Variants in FES observed in about 807,000 individuals in gnomAD.
FES encodes the protein tyrosine-protein kinase Fes/Fps.
A neutral mutation model predicts 109.6 loss-of-function variants in FES; 83 were observed. The ratio of observed to expected loss-of-function variants is 0.76; its 90% CI spans 0.63 to 0.91. The LOEUF is 0.91. Among genes scored for constraint, FES ranks in the 40% least tolerant of loss-of-function variants. FES has a pLI of 0.00. For synonymous variants in FES, 458 were observed against 442.1 expected, an observed-to-expected ratio of 1.04 and a Z score of -0.45; for missense variants, 943 against 1,070.9, an observed-to-expected ratio of 0.88 and a Z score of 1.67.
intron 11 of FES, 69 bp downstream of exon 11, chr15:90,891,260 T>G: frequency 6.6e-7 from 1 of 1,508,142 alleles, no homozygotes; most frequent in Non-Finnish European, 8.9e-7. Context: ...CCAAGGGAAA[T>G]GGCCTTTCAG....
In FES at chr15:90,893,394, G is replaced by A; in HGVS notation, c.2025G>A (p.Glu675=). 1 of 1,556,316 alleles carries A rather than the reference G, an allele frequency of 6.4e-7. No homozygotes were observed. The highest frequency in any genetic ancestry group is 8.7e-7 in the Non-Finnish European group (1 of 1,153,458). Residue 675 remains glutamate (E), a synonymous_variant, in exon 16 of 19, where the codon GAG becomes GAA. Transcript: ENST00000328850. ...CAGCTGCTGGCATGGAGTACCTGGA[G>A]AGCAAGTGCTGCATCCACCGGTGAG... is the stretch of plus-strand genomic sequence containing the variant. ...GDAAAGMEYL[E]SKCCIHRDLA... is the part of the protein sequence containing the mutation.
intron 1 of FES, 100 bp downstream of exon 1, chr15:90,884,644 G>T: frequency 5.8e-6 from 1 of 172,004 alleles, no homozygotes. Context: ...ACCCAGGTGG[G>T]GGTAGGGGCC....
rs773581654 is a variant in FES, at chr15:90,893,808, T to G, written c.2200T>G (p.Tyr734Asp). Residue 734 changes from tyrosine (Y) to aspartate (D), a missense_variant, in exon 17 of 19, where the codon TAC becomes GAC. Coordinates refer to ENST00000328850, the MANE Select transcript of FES (RefSeq NM_002005.4). ...GTGGACCGCACCTGAGGCCCTTAAC[T>G]ACGGTACCTAGTCCCTGTCTACCCT... is the stretch of plus-strand genomic sequence containing the variant. ...VKWTAPEALN[Y>D]GRYSSESDVW... The G allele has an allele frequency of 6.3e-7, 1 of 1,592,544 alleles. No homozygotes were observed. The highest frequency in any genetic ancestry group is 8.6e-7 in the Non-Finnish European group (1 of 1,168,012).
chr15:90,895,524 A>G lies in FES; in HGVS notation c.2435A>G (p.Gln812Arg), dbSNP rs2033631427. ...CGGCCCAGCTTCAGCACCATCTACCAGGAGCTGCAGAGCATCCGAAAGCGG... is the reference window on the plus strand; with the variant it reads ...CGGCCCAGCTTCAGCACCATCTACCGGGAGCTGCAGAGCATCCGAAAGCGG... Reference protein sequence around the residue: ...GQRPSFSTIYQELQSIRKRHR With the variant: ...GQRPSFSTIYRELQSIRKRHR Residue 812 changes from glutamine to arginine, a missense_variant, in exon 19 of 19, where the codon CAG becomes CGG. Physicochemically the swap from Gln to Arg is conservative, Grantham distance 43 (BLOSUM62 1). Transcript: ENST00000328850. The G allele has an allele frequency of 6.3e-7, 1 of 1,596,558 alleles. No individual in the cohort carries two copies. Among genetic ancestry groups the G allele is most frequent in the African/African-American group, 1.3e-5 (1 of 74,426 alleles).
intron 3 of FES, among the ~76,000 whole-genome samples, chr15:90,886,388 C>T (rs1166896134): frequency 6.6e-6 from 1 of 152,190 alleles, no homozygotes; most frequent in Non-Finnish European, 1.5e-5. Context: ...ACTATCTGGC[C>T]CTTTAAGAAA....
rs1894401 is a variant in FES at position 90,885,812 on chromosome 15, G to A, written c.387+227G>A. Among the ~76,000 whole-genome samples, 81,248 of 151,954 alleles carry A rather than the reference G, an allele frequency of 0.53. 22,363 individuals are homozygous for A. Among genetic ancestry groups the A allele is most frequent in the East Asian group, 0.81 (4,197 of 5,166 alleles). On this transcript the variant is annotated intron_variant, in intron 3 of 18. Coordinates refer to ENST00000328850, the MANE Select transcript of FES (RefSeq NM_002005.4). ...TCTGTGCCTGGGCAAAGTGCTGGGA[G>A]TGTAAGGATGAGTGACCGGTCACGT...
At chr15:90,892,347 G>A (rs968468720) in intron 13 of FES, 3 of 597,680 alleles carry the variant, frequency 5.0e-6, no homozygotes, top group South Asian at 2.0e-5. Flanking sequence ...CACCCAGGCC[G>A]CCCCCATCGA....
At chr15:90,890,346 T>C in intron 9 of FES, 55 bp from the exon 10 acceptor site, 1 of 1,595,606 alleles carries the variant, frequency 6.3e-7, no homozygotes, top group South Asian at 1.1e-5. Context: ...CTCCTCATTT[T>C]CGCCCTCCCC....
chr15:90,892,691 C>A lies in FES; in HGVS notation c.1708-16C>A. The A allele has an allele frequency of 6.3e-7, 1 of 1,590,700 alleles. No homozygotes were observed. Among genetic ancestry groups the A allele is most frequent in the South Asian group, 1.1e-5 (1 of 88,752 alleles). ...GGGACTGGGAAGGCCGTGGTAGGAGCCCAAGACCGTTTCAGGGGAACTTTG... is the reference window on the plus strand; with the variant it reads ...GGGACTGGGAAGGCCGTGGTAGGAGACCAAGACCGTTTCAGGGGAACTTTG... On this transcript the variant is annotated splice_polypyrimidine_tract_variant and intron_variant, in intron 13 of 18. Transcript: ENST00000328850.
In FES at chr15:90,891,587, A is replaced by G. The variant is rs576252154; in HGVS notation, c.1564A>G (p.Ser522Gly). The change falls in exon 12 of 19, where the codon AGC (serine) becomes GGC (glycine). Residue 522 changes from serine (S) to glycine (G), a missense_variant. Transcript: ENST00000328850. ...LYRLEGEGFP[S>G]IPLLIDHLLS... ...CCGACTGGAAGGGGAAGGCTTTCCT[A>G]GCATTCCTTTGCTCATCGACCACCT... 3 of 1,613,774 alleles carry G rather than the reference A, an allele frequency of 1.9e-6. No homozygotes were observed. The highest frequency in any genetic ancestry group is 2.2e-5 in the East Asian group (1 of 44,850).
chr15:90,886,825 G>A (rs189600749), intron 3 of FES, 136 bp from the exon 4 acceptor site: 79 of 731,602 alleles, frequency 1.1e-4, no homozygotes, highest in African/African-American at 3.5e-4. Flanking sequence ...TGACTCTCAC[G>A]TCAGCAGCCA....
rs377358362 is a variant in FES at position 90,892,400 on chromosome 15, A to G, written c.1707+289A>G. 6.2e-5 allele frequency: 36 copies of G among 584,012 alleles called. No homozygotes were observed. The South Asian group carries it at 6.9e-4, about 11-fold the overall frequency. 36.2% of individuals were successfully genotyped at this position (584,012 alleles called of 1,614,324 possible). A position where few individuals can be genotyped will look rare whatever the true frequency, so the allele number is the denominator to read the frequency against. On this transcript the variant is annotated intron_variant, in intron 13 of 18. Transcript: ENST00000328850. Reference sequence around the variant, plus strand: ...GGGAGACACCCTGTTACTGTAAGCCATAAGATACCTGTTTAGGGAAGAAGT... The same window carrying G: ...GGGAGACACCCTGTTACTGTAAGCCGTAAGATACCTGTTTAGGGAAGAAGT...
At position 90,890,483 on chromosome 15, in the gene FES, C is replaced by T. The variant is rs201659079; in HGVS notation, c.1319C>T (p.Ser440Leu). 19 of 1,612,380 alleles carry T rather than the reference C, an allele frequency of 1.2e-5. No homozygotes were observed. The highest frequency in any genetic ancestry group is 2.7e-5 in the African/African-American group (2 of 75,020). Reference protein sequence around the residue: ...HISGIFRPKFSLPPPLQLIPE... With the variant: ...HISGIFRPKFLLPPPLQLIPE... ...TCAGGAATCTTCCGCCCCAAGTTCT[C>T]GGTGAGTGGCGCCCAGCCTGGGCCC... The change falls in exon 10 of 19, where the codon TCG becomes TTG. Residue 440 changes from serine (S) to leucine (L), a missense_variant and splice_region_variant. By Grantham distance (145) the Ser-to-Leu change is moderately radical. Coordinates refer to ENST00000328850, the MANE Select transcript of FES (RefSeq NM_002005.4).
chr15:90,885,607 T>C, intron 3 of FES, 22 bp downstream of exon 3: 1 of 1,601,302 alleles, frequency 6.2e-7, no homozygotes, highest in East Asian at 2.2e-5. Flanking sequence ...GCACTGGGGC[T>C]TCGGTCATTT....
In FES at chr15:90,887,028, C is replaced by A. The variant is rs762373715; in HGVS notation, c.455C>A (p.Ala152Asp). ...GCTCTGGCACGGGACAGTGCCCAAGCCAAGCGCAAGTACCAGGAGGCCAGC... is the reference window on the plus strand; with the variant it reads ...GCTCTGGCACGGGACAGTGCCCAAGACAAGCGCAAGTACCAGGAGGCCAGC... ...YRALARDSAQ[A>D]KRKYQEASKD... The change falls in exon 4 of 19, where the codon GCC (alanine) becomes GAC (aspartate). Residue 152 changes from alanine (A) to aspartate (D), a missense_variant. Ala to Asp is a moderately radical substitution (Grantham distance 126). Coordinates refer to ENST00000328850, the MANE Select transcript of FES (RefSeq NM_002005.4). 6.2e-7 allele frequency: 1 copy of A among 1,614,050 alleles called. No homozygotes were observed. Among genetic ancestry groups the A allele is most frequent in the East Asian group, 2.2e-5 (1 of 44,904 alleles).
At chr15:90,884,809 T>G in intron 1 of FES, 1 of 507,894 alleles carries the variant, frequency 2.0e-6, no homozygotes, top group Non-Finnish European at 3.5e-6. Context: ...CCAGGTTGGC[T>G]CCTGTTCCCG....
Position 90,885,200 on chromosome 15 carries a change from C to T in FES, c.155C>T (p.Ser52Phe). Residue 52 changes from serine (S) to phenylalanine (F), a missense_variant, in exon 2 of 19, where the codon TCC becomes TTC. Ser to Phe is a radical substitution (Grantham distance 155). Transcript: ENST00000328850. ...TATGCAGGACTGCTTCACCACATGT[C>T]CCTGCAGGACAGTGGGGGCCAGAGC... ...REYAGLLHHM[S>F]LQDSGGQSRA... 4 of 1,613,764 alleles carry T rather than the reference C, an allele frequency of 2.5e-6. No individual in the cohort carries two copies. Among genetic ancestry groups the T allele is most frequent in the Admixed American group, 1.7e-5 (1 of 60,032 alleles).
chr15:90,890,770 G>A (rs1027434620), intron 10 of FES, among the ~76,000 whole-genome samples: 5 of 152,078 alleles, frequency 3.3e-5, no homozygotes, highest in Non-Finnish European at 7.4e-5. Flanking sequence ...TTGGTTTGGG[G>A]TCTTCCTGCC....
Position 90,885,474 on chromosome 15 carries a change from G to C in FES, c.276G>C (p.Glu92Asp), listed in dbSNP as rs1250095239. 5.0e-6 allele frequency: 8 copies of C among 1,613,316 alleles called. No individual in the cohort carries two copies. Among genetic ancestry groups the C allele is most frequent in the Non-Finnish European group, 4.2e-6 (5 of 1,180,036 alleles). The change falls in exon 3 of 19, where the codon GAG (glutamate) becomes GAC (aspartate). Residue 92 changes from glutamate to aspartate, a missense_variant. Glu to Asp is a conservative substitution (Grantham distance 45). Coordinates refer to ENST00000328850, the MANE Select transcript of FES (RefSeq NM_002005.4). ...GLSRLLRQHAEDLNSGPLSKL... is the reference protein window; with the variant it reads ...GLSRLLRQHADDLNSGPLSKL... ...GCCGCTTGCTGCGGCAGCACGCAGAGGATCTGAACTCAGGGCCCCTGAGCA... is the reference window on the plus strand; with the variant it reads ...GCCGCTTGCTGCGGCAGCACGCAGACGATCTGAACTCAGGGCCCCTGAGCA...
Sources: gnomAD v4.1 joint callset for allele counts (sites outside exome capture counted in the v4.1 genomes callset) on GRCh38, gnomAD v4.1.1 for gene constraint, MANE v1.5 for transcripts, NCBI Gene and HGNC (gene_info 2026-07-23, HGNC 2026-07-21) for gene names.